The following ERBB4 variants were observed in gnomAD, a reference collection of about 807,000 sequenced individuals.
ERBB4 encodes receptor tyrosine-protein kinase erbB-4.
In ERBB4, 42 loss-of-function variants were observed where a neutral mutation model predicts 158.0. The observed-to-expected ratio is 0.27, with a 90% confidence interval of 0.21 to 0.34. The LOEUF is 0.34. ERBB4 is among the 10% of genes least tolerant of loss of function. The pLI is 1.00. For synonymous variants in ERBB4, 583 were observed against 558.7 expected, an observed-to-expected ratio of 1.04 and a Z score of -0.61; for missense variants, 1,333 against 1,624.1, an observed-to-expected ratio of 0.82 and a Z score of 3.08.
At chr2:211,683,977 A>G (rs1441118064) in intron 12 of ERBB4, among the ~76,000 whole-genome samples, 3 of 145,808 alleles carry the variant, frequency 2.1e-5, no homozygotes, top group Non-Finnish European at 4.4e-5. Context: ...CTTATTTTTC[A>G]TTTATATACT....
chr2:211,561,027 T>C (rs1305397197), intron 20 of ERBB4, among the ~76,000 whole-genome samples: 1 of 152,078 alleles, frequency 6.6e-6, no homozygotes, highest in East Asian at 1.9e-4. Context: ...TAACTAAGAG[T>C]TGACATAATT....
intron 1 of ERBB4, among the ~76,000 whole-genome samples, chr2:212,299,920 A>C (rs1379431730): frequency 6.6e-6 from 1 of 151,624 alleles, no homozygotes; most frequent in African/African-American, 2.4e-5. Flanking sequence ...TCCTACATTA[A>C]ATCAGTTGGA....
rs2062544859 is a variant in ERBB4 at position 211,379,833 on chromosome 2, T to A, written c.*3782A>T. Reference sequence around the variant, plus strand: ...AGCTCTAGAAAAACTTGTATTTACATCCTTCCCTGTCAGGCTTAAACAATT... The same window carrying A: ...AGCTCTAGAAAAACTTGTATTTACAACCTTCCCTGTCAGGCTTAAACAATT... On this transcript the variant is annotated 3_prime_UTR_variant, in exon 28 of 28. Transcript: ENST00000342788. 3 of 232,000 alleles carry A rather than the reference T, an allele frequency of 1.3e-5. No homozygotes were observed. In the Admixed American group the frequency reaches 1.7e-4, roughly 13 times the overall value. The allele number at this position is 232,000 out of a possible 1,614,324, so 14.4% of individuals were successfully genotyped here.
chr2:212,434,376 C>T (rs1342112494), intron 1 of ERBB4, among the ~76,000 whole-genome samples: 1 of 151,944 alleles, frequency 6.6e-6, no homozygotes, highest in Non-Finnish European at 1.5e-5. Context: ...CTTATGGATA[C>T]TACAAGTCTT....
chr2:211,762,651 G>A (rs940113818), intron 4 of ERBB4, among the ~76,000 whole-genome samples: 1 of 152,194 alleles, frequency 6.6e-6, no homozygotes, highest in African/African-American at 2.4e-5. Context: ...CTGAGGAACT[G>A]TAACCACCCA....
intron 1 of ERBB4, among the ~76,000 whole-genome samples, chr2:212,448,017 C>T (rs531864615): frequency 6.6e-6 from 1 of 152,198 alleles, no homozygotes; most frequent in East Asian, 1.9e-4. Context: ...GTCATGTTAA[C>T]CTGTCCTGTT....
intron 20 of ERBB4, among the ~76,000 whole-genome samples, chr2:211,446,337 A>T (rs970425570): frequency 1.3e-5 from 2 of 152,184 alleles, no homozygotes; most frequent in Admixed American, 6.6e-5. Context: ...AAGCAGAGAA[A>T]CAGAGAAATT....
intron 2 of ERBB4, among the ~76,000 whole-genome samples, chr2:211,985,603 T>C (rs1454021466): frequency 6.6e-6 from 1 of 152,056 alleles, no homozygotes; most frequent in African/African-American, 2.4e-5. Flanking sequence ...GTCAGCGAAG[T>C]CACTGCACCA....
intron 1 of ERBB4, among the ~76,000 whole-genome samples, chr2:212,447,585 T>A (rs2106006754): frequency 6.6e-6 from 1 of 152,294 alleles, no homozygotes; most frequent in East Asian, 1.9e-4. Context: ...CTTTCATCTG[T>A]ATTCAATTAA....
chr2:212,366,461 T>G (rs1260883561), intron 1 of ERBB4, among the ~76,000 whole-genome samples: 3 of 151,944 alleles, frequency 2.0e-5, no homozygotes, highest in Non-Finnish European at 2.9e-5. Context: ...GTGTTAAGGA[T>G]ACAAAAATTC....
rs2125289983 is a variant in ERBB4, at chr2:211,376,020, G to T, written c.*7595C>A. Reference sequence around the variant, plus strand: ...GGAAAGGAAGGAGGATGGGTAAAAGGTTGGAGGAGAAGAAAGAATAAGAGA... The same window carrying T: ...GGAAAGGAAGGAGGATGGGTAAAAGTTTGGAGGAGAAGAAAGAATAAGAGA... On this transcript the variant is annotated 3_prime_UTR_variant, in exon 28 of 28. Transcript: ENST00000342788. The T allele has an allele frequency of 8.6e-6, 2 of 232,932 alleles. No homozygotes were observed. Among genetic ancestry groups the T allele is most frequent in the Non-Finnish European group, 1.7e-5 (2 of 117,660 alleles). The allele number at this position is 232,932 out of a possible 1,614,324, so 14.4% of individuals were successfully genotyped here. A position where few individuals can be genotyped will look rare whatever the true frequency, so the allele number is the denominator to read the frequency against.
chr2:212,243,561 T>G (rs1308791209), intron 1 of ERBB4, among the ~76,000 whole-genome samples: 1 of 152,180 alleles, frequency 6.6e-6, no homozygotes, highest in Non-Finnish European at 1.5e-5. Flanking sequence ...ACTTTATCAC[T>G]GTGATCTTCT....
chr2:212,490,026 T>C (rs1199347832), intron 1 of ERBB4, among the ~76,000 whole-genome samples: 2 of 151,830 alleles, frequency 1.3e-5, no homozygotes, highest in Non-Finnish European at 2.9e-5. Flanking sequence ...CCCAAACCCA[T>C]TATACTGTTT....
At chr2:211,416,194 T>C (rs2063387075) in intron 25 of ERBB4, among the ~76,000 whole-genome samples, 2 of 152,212 alleles carry the variant, frequency 1.3e-5, no homozygotes, top group East Asian at 1.9e-4. Flanking sequence ...TCATTAAAGC[T>C]AAAATATCTT....
chr2:211,772,854 T>TACAC (rs1440498628), intron 4 of ERBB4, among the ~76,000 whole-genome samples: 2 of 59,686 alleles, frequency 3.4e-5, no homozygotes, highest in African/African-American at 1.5e-4. Context: ...TATATATATA[T>TACAC]ATATATATAT....
intron 1 of ERBB4, among the ~76,000 whole-genome samples, chr2:212,320,161 T>G (rs1394375395): frequency 6.7e-6 from 1 of 148,216 alleles, no homozygotes; most frequent in Admixed American, 6.7e-5. Context: ...TCTGATATGT[T>G]CTGACTGGGT....
chr2:212,010,127 G>A (rs1464770249), intron 2 of ERBB4, among the ~76,000 whole-genome samples: 3 of 152,254 alleles, frequency 2.0e-5, no homozygotes, highest in East Asian at 3.9e-4. Flanking sequence ...ACAGTGTTAA[G>A]TGCCTCCTTG....
chr2:211,569,116 C>CTCT (rs1322437748), intron 19 of ERBB4, among the ~76,000 whole-genome samples: 2 of 152,286 alleles, frequency 1.3e-5, no homozygotes, highest in East Asian at 3.9e-4. Context: ...CAGATCAGGA[C>CTCT]TCTTCTAAAC....
chr2:211,976,312 A>C (rs839502), intron 2 of ERBB4, among the ~76,000 whole-genome samples: 147,188 of 152,264 alleles, frequency 0.97, 71,356 homozygotes, highest in Middle Eastern at 1. Context: ...AGTGATAAAG[A>C]CTGTGTTTAA....
Sources: allele counts gnomAD v4.1 joint callset (sites outside exome capture counted in the v4.1 genomes callset), GRCh38; gene constraint gnomAD v4.1.1; transcripts MANE v1.5; gene names NCBI Gene and HGNC (gene_info 2026-07-23, HGNC 2026-07-21).